Variants in THSD4 observed in about 807,000 individuals in gnomAD.
THSD4 encodes thrombospondin type 1 domain containing 4.
Under a neutral mutation model 119.0 loss-of-function variants are expected in THSD4, and 69 were observed. That is an observed-to-expected ratio of 0.58 (90% CI 0.48 to 0.71). THSD4 has a LOEUF of 0.71. THSD4 is among the 30% of genes least tolerant of loss of function. The pLI is 0.00. For synonymous variants in THSD4, 524 were observed against 540.4 expected (o/e 0.97, Z 0.42); for missense variants, 1,393 against 1,391.1 (o/e 1.00, Z -0.02).
At chr15:71,142,361 C>A (rs1243940591) in intron 2 of THSD4, among the ~76,000 whole-genome samples, 3 of 152,240 alleles carry the variant, frequency 2.0e-5, no homozygotes, top group Non-Finnish European at 2.9e-5. Flanking sequence ...AGCATTGCAA[C>A]TGTAGTCCAT....
chr15:71,303,770 A>C (rs189803478), intron 6 of THSD4, among the ~76,000 whole-genome samples: 8 of 152,204 alleles, frequency 5.3e-5, no homozygotes, highest in African/African-American at 1.4e-4. Flanking sequence ...AGCCTATTGT[A>C]GTGACTCTGG....
intron 6 of THSD4, among the ~76,000 whole-genome samples, chr15:71,281,872 C>T (rs762467938): frequency 1.3e-5 from 2 of 152,152 alleles, no homozygotes; most frequent in African/African-American, 4.8e-5. Flanking sequence ...TCCTATTTGT[C>T]GTGTTCAGCC....
rs1265958793 is a variant in THSD4, at chr15:71,199,497, GGT to G, written c.100-15522_100-15521del. Among the ~76,000 whole-genome samples the G allele has an allele frequency of 5.6e-3, 790 of 141,366 alleles. 6 individuals are homozygous for G. The highest frequency in any genetic ancestry group is 0.017 in the African/African-American group (639 of 37,880). The allele number at this position is 141,366 out of a possible 152,430, so 92.7% of individuals were successfully genotyped here. A position where few individuals can be genotyped will look rare whatever the true frequency, so the allele number is the denominator to read the frequency against. ...TGGTGTGTGTGTGTGGGGTGTGTGT[GGT>G]GTGTGTGTGTGTGTGGGGTGTGTGT... is the stretch of plus-strand genomic sequence containing the variant. On this transcript the variant is annotated intron_variant, in intron 3 of 17. Transcript: ENST00000261862.
chr15:71,336,446 A>C (rs1284290425), intron 6 of THSD4, among the ~76,000 whole-genome samples: 1 of 152,266 alleles, frequency 6.6e-6, no homozygotes, highest in African/African-American at 2.4e-5. Flanking sequence ...TTATCATTTT[A>C]ACTGTTAAGG....
intron 7 of THSD4, among the ~76,000 whole-genome samples, chr15:71,435,667 A>G (rs2140542469): frequency 6.6e-6 from 1 of 152,316 alleles, no homozygotes. Context: ...AAATAAGCTA[A>G]GATAGCAGAT....
chr15:71,426,397 G>GTGTGTGTGTGTGTT lies in THSD4; in HGVS notation c.1152+14583_1152+14584insGTGTTTGTGTGTGT, dbSNP rs138567389. ...TGTGTGTGTGTGTGTGTGTGTGTGT[G>GTGTGTGTGTGTGTT]TGTGTGTGTTCAGGTGCTGAATGTC... On this transcript the variant is annotated intron_variant, in intron 7 of 17. Transcript: ENST00000261862. Among the ~76,000 whole-genome samples, 79 of 124,708 alleles carry GTGTGTGTGTGTGTT rather than the reference G, an allele frequency of 6.3e-4. 1 individual carries two copies. Among genetic ancestry groups the GTGTGTGTGTGTGTT allele is most frequent in the African/African-American group, 1.9e-3 (72 of 37,282 alleles). The allele number at this position is 124,708 out of a possible 152,430, so 81.8% of individuals were successfully genotyped here.
At chr15:71,160,601 T>C (rs1207037029) in intron 3 of THSD4, among the ~76,000 whole-genome samples, 1 of 151,976 alleles carries the variant, frequency 6.6e-6, no homozygotes, top group East Asian at 1.9e-4. Flanking sequence ...AATTTATTGG[T>C]GTATAGTTGT....
At chr15:71,540,262 C>T (rs1417386788) in intron 7 of THSD4, among the ~76,000 whole-genome samples, 2 of 150,794 alleles carry the variant, frequency 1.3e-5, no homozygotes, top group African/African-American at 2.4e-5. Context: ...CTCAGCCTCC[C>T]GAGTAACTGG....
At chr15:71,534,185 A>G (rs1437580627) in intron 7 of THSD4, among the ~76,000 whole-genome samples, 1 of 152,142 alleles carries the variant, frequency 6.6e-6, no homozygotes, top group Non-Finnish European at 1.5e-5. Flanking sequence ...CCTGGGCTCA[A>G]GCAATCCTCC....
At chr15:71,524,302 C>T (rs374232047) in intron 7 of THSD4, among the ~76,000 whole-genome samples, 7 of 152,198 alleles carry the variant, frequency 4.6e-5, no homozygotes, top group South Asian at 2.1e-4. Context: ...TGCACAGTGA[C>T]GCTCTGACTT....
intron 10 of THSD4, chr15:71,731,828 GAGGTT>G (rs2141135867): frequency 6.5e-6 from 1 of 153,166 alleles, no homozygotes; most frequent in African/African-American, 2.4e-5. Context: ...TAGAGCTCTG[GAGGTT>G]AGAAGTCTGA....
At chr15:71,489,629 A>G (rs2047882289) in intron 7 of THSD4, among the ~76,000 whole-genome samples, 1 of 151,754 alleles carries the variant, frequency 6.6e-6, no homozygotes, top group African/African-American at 2.4e-5. Context: ...CCTCCTCTAT[A>G]CCTCTGGAGA....
intron 7 of THSD4, among the ~76,000 whole-genome samples, chr15:71,592,022 A>C (rs546689163): frequency 6.6e-6 from 1 of 152,174 alleles, no homozygotes; most frequent in Non-Finnish European, 1.5e-5. Context: ...AAGACGAGGA[A>C]AAGAGAGCTG....
intron 6 of THSD4, among the ~76,000 whole-genome samples, chr15:71,329,315 T>G (rs1466951502): frequency 6.6e-6 from 1 of 152,118 alleles, no homozygotes; most frequent in Non-Finnish European, 1.5e-5. Context: ...CTCACGGACT[T>G]GAAAGGACAG....
intron 6 of THSD4, among the ~76,000 whole-genome samples, chr15:71,265,835 C>T (rs1483893279): frequency 6.6e-6 from 1 of 152,196 alleles, no homozygotes; most frequent in African/African-American, 2.4e-5. Flanking sequence ...GTAAACAAAG[C>T]CGCCAGGAAG....
intron 7 of THSD4, among the ~76,000 whole-genome samples, chr15:71,589,943 G>A (rs1595761732): frequency 1.4e-5 from 2 of 139,048 alleles, no homozygotes; most frequent in East Asian, 4.2e-4. Context: ...AAAGAAAGAT[G>A]GTTTCTGAAT....
intron 6 of THSD4, chr15:71,348,275 A>G (rs932857472): frequency 3.9e-5 from 6 of 152,140 alleles, no homozygotes; most frequent in Admixed American, 2.0e-4. Flanking sequence ...ACCACTGAAA[A>G]CTGTTGTTAG....
chr15:71,237,950 A>G (rs1307709721), intron 4 of THSD4, among the ~76,000 whole-genome samples: 3 of 152,176 alleles, frequency 2.0e-5, no homozygotes, highest in Non-Finnish European at 4.4e-5. Context: ...TATTATAGCA[A>G]CAGCAATTTT....
At chr15:71,504,011 C>A (rs902823994) in intron 7 of THSD4, among the ~76,000 whole-genome samples, 1 of 152,110 alleles carries the variant, frequency 6.6e-6, no homozygotes, top group African/African-American at 2.4e-5. Context: ...TTACTCAGTG[C>A]ATTATGATTT....
Sources: gnomAD v4.1 joint callset for allele counts (sites outside exome capture counted in the v4.1 genomes callset) on GRCh38, gnomAD v4.1.1 for gene constraint, MANE v1.5 for transcripts, NCBI Gene and HGNC (gene_info 2026-07-23, HGNC 2026-07-21) for gene names.